Variants in CHD7 observed in about 807,000 individuals in gnomAD.
CHD7 encodes the protein ATP-dependent chromatin remodeler CHD7.
Under a neutral mutation model 307.3 loss-of-function variants are expected in CHD7, and 24 were observed. The observed-to-expected ratio is 0.08, with a 90% CI of 0.06 to 0.11. The LOEUF (loss-of-function observed/expected upper bound fraction) is 0.11. Among genes scored for constraint, CHD7 ranks in the 10% least tolerant of loss-of-function variants. The pLI is 1.00. For synonymous variants in CHD7, 1,363 were observed against 1,349.9 expected (o/e 1.01, Z -0.21); for missense variants, 3,106 against 3,727.1 (o/e 0.83, Z 4.34).
chr8:60,755,000 G>A (rs2150604666), intron 2 of CHD7, among the ~76,000 whole-genome samples: 1 of 152,294 alleles, frequency 6.6e-6, no homozygotes, highest in South Asian at 2.1e-4. Flanking sequence ...TTTTCATGGT[G>A]TGCTCTCCAA....
At chr8:60,857,009 C>A in intron 34 of CHD7, 121 bp downstream of exon 34, 1 of 805,598 alleles carries the variant, frequency 1.2e-6, no homozygotes, top group Non-Finnish European at 1.9e-6. Context: ...GCTTCCTCCA[C>A]TAAAGAAATA....
intron 37 of CHD7, 26 bp from the exon 38 acceptor site, chr8:60,864,990 C>T (rs1460031079): frequency 5.8e-6 from 9 of 1,557,244 alleles, no homozygotes; most frequent in East Asian, 2.4e-5. Flanking sequence ...CCTTTATAGC[C>T]ACTGTTTGCC....
Position 60,852,552 on chromosome 8 carries a change from T to G in CHD7, c.5949T>G (p.Val1983=). ...ACCGTGTGGTATCCACCTTTGGGGT[T>G]ATTTTTGACCCTGTGAAACAGCAAT... ...DFYRVVSTFG[V]IFDPVKQQFD... is the part of the protein sequence containing the mutation. The change falls in exon 30 of 38, where the codon GTT becomes GTG. Residue 1983 remains valine, a synonymous_variant. Coordinates refer to ENST00000423902, the MANE Select transcript of CHD7 (RefSeq NM_017780.4). 2 of 1,614,000 alleles carry G rather than the reference T, an allele frequency of 1.2e-6. No individual in the cohort carries two copies. Among genetic ancestry groups the G allele is most frequent in the Non-Finnish European group, 1.7e-6 (2 of 1,179,872 alleles).
At chr8:60,700,028 C>T (rs940183492) in intron 1 of CHD7, among the ~76,000 whole-genome samples, 9 of 151,882 alleles carry the variant, frequency 5.9e-5, no homozygotes, top group Admixed American at 1.3e-4. Flanking sequence ...GGGGGTTTCT[C>T]CATGTTGGTT....
intron 1 of CHD7, among the ~76,000 whole-genome samples, chr8:60,718,604 C>T (rs1049439612): frequency 2.6e-5 from 4 of 152,152 alleles, no homozygotes; most frequent in South Asian, 2.1e-4. Flanking sequence ...ACAATGTGTT[C>T]GTCTTTTAAG....
rs1464726975 is a variant in CHD7 at position 60,849,233 on chromosome 8, A to G, written c.5404+79A>G. ...TAGAACTCTTTACATACTCTTTTCCAAAGTCATAATATTAATGAGGATAGT... is the reference window on the plus strand; with the variant it reads ...TAGAACTCTTTACATACTCTTTTCCGAAGTCATAATATTAATGAGGATAGT... On this transcript the variant is annotated intron_variant, in intron 25 of 37. Coordinates refer to ENST00000423902, the MANE Select transcript of CHD7 (RefSeq NM_017780.4). 1.1e-5 allele frequency: 10 copies of G among 877,758 alleles called. No homozygotes were observed. The African/African-American group carries it at 1.2e-4, about 10-fold the overall frequency. The allele number at this position is 877,758 out of a possible 1,614,324, so 54.4% of individuals were successfully genotyped here. A position where few individuals can be genotyped will look rare whatever the true frequency, so the allele number is the denominator to read the frequency against.
Position 60,816,119 on chromosome 8 carries a change from C to G in CHD7, c.2499-268C>G, listed in dbSNP as rs368460945. ...TTTGTCTGTCTGTCTGTCTGTCTCT[C>G]TCTCTCTCTCTCTCTCTCTCTCTCT... On this transcript the variant is annotated intron_variant, in intron 7 of 37. Transcript: ENST00000423902. Among the ~76,000 whole-genome samples, 40,466 of 111,896 alleles carry G rather than the reference C, an allele frequency of 0.36. 6,262 individuals carry two copies. The highest frequency in any genetic ancestry group is 0.48 in the South Asian group (1,568 of 3,252). 73.4% of individuals were successfully genotyped at this position (111,896 alleles called of 152,430 possible). A position where few individuals can be genotyped will look rare whatever the true frequency, so the allele number is the denominator to read the frequency against.
In CHD7 at chr8:60,742,641, T is replaced by C; in HGVS notation, c.1209T>C (p.Ser403=). ...PPPMSPMKAM[S]NPAGTPPPQV... Reference sequence around the variant, plus strand: ...CCATGTCACCCATGAAAGCAATGAGTAATCCAGCAGGCACTCCTCCTCCAC... The same window carrying C: ...CCATGTCACCCATGAAAGCAATGAGCAATCCAGCAGGCACTCCTCCTCCAC... The change falls in exon 2 of 38, where the codon AGT becomes AGC. Residue 403 remains serine, a synonymous_variant. Coordinates refer to ENST00000423902, the MANE Select transcript of CHD7 (RefSeq NM_017780.4). 6.2e-7 allele frequency: 1 copy of C among 1,611,514 alleles called. No homozygotes were observed. Among genetic ancestry groups the C allele is most frequent in the Non-Finnish European group, 8.5e-7 (1 of 1,178,242 alleles).
intron 2 of CHD7, among the ~76,000 whole-genome samples, chr8:60,759,607 G>T (rs528118697): frequency 6.6e-6 from 1 of 152,152 alleles, no homozygotes; most frequent in South Asian, 2.1e-4. Flanking sequence ...CTGGTACTCC[G>T]TAATTGAGAG....
In CHD7 at chr8:60,830,334, C is replaced by A. The variant is rs1804451607; in HGVS notation, c.3535C>A (p.Gln1179Lys). ...GGTCCTTTTTTAGGTGCAAAAACTT[C>A]AAGCTATTCTAAAGCCAATGATGTT... ...LKTEEQVQKL[Q>K]AILKPMMLRR... Residue 1179 changes from glutamine (Q) to lysine (K), a missense_variant, in exon 15 of 38, where the codon CAA (glutamine) becomes AAA (lysine). Physicochemically the swap from Gln to Lys is moderately conservative, Grantham distance 53. This residue lies in a region of CHD7 where 232 missense variants were observed against 422.5 expected (regional missense o/e 0.55). Coordinates refer to ENST00000423902, the MANE Select transcript of CHD7 (RefSeq NM_017780.4). 1 of 1,611,404 alleles carries A rather than the reference C, an allele frequency of 6.2e-7. No homozygotes were observed. The highest frequency in any genetic ancestry group is 1.3e-5 in the African/African-American group (1 of 74,618).
At chr8:60,804,340 C>CTT (rs113158575) in intron 6 of CHD7, among the ~76,000 whole-genome samples, 3 of 148,372 alleles carry the variant, frequency 2.0e-5, no homozygotes, top group South Asian at 4.3e-4. Context: ...AATTCAAATC[C>CTT]TTTTTTTTTT....
intron 31 of CHD7, 43 bp from the exon 32 acceptor site, chr8:60,854,320 T>C (rs1055522680): frequency 3.2e-6 from 5 of 1,581,202 alleles, no homozygotes; most frequent in Non-Finnish European, 4.3e-6. Flanking sequence ...TCAGTTTCCC[T>C]GATACTGTGG....
chr8:60,816,480 C>T lies in CHD7; in HGVS notation c.2592C>T (p.Gly864=). ...TTAAACGATTTAAGGCAAAGCAGGG[C>T]CAGAACAAGTTCCTTTCAGAGGTAC... ...QKIKRFKAKQ[G]QNKFLSEIED... Residue 864 remains glycine, a synonymous_variant, in exon 8 of 38, where the codon GGC becomes GGT. Transcript: ENST00000423902. 1.9e-6 allele frequency: 3 copies of T among 1,604,152 alleles called. No homozygotes were observed. The highest frequency in any genetic ancestry group is 2.6e-6 in the Non-Finnish European group (3 of 1,173,616).
At chr8:60,713,304 G>C (rs1244825490) in intron 1 of CHD7, among the ~76,000 whole-genome samples, 2 of 151,992 alleles carry the variant, frequency 1.3e-5, no homozygotes, top group African/African-American at 4.8e-5. Context: ...GTAGAGACGG[G>C]GTTTCGCCAT....
chr8:60,698,400 A>C (rs1290766892), intron 1 of CHD7, among the ~76,000 whole-genome samples: 3 of 152,224 alleles, frequency 2.0e-5, no homozygotes, highest in Non-Finnish European at 4.4e-5. Context: ...GCCATAGGAA[A>C]GAATAATTTC....
At position 60,865,586 on chromosome 8, in the gene CHD7, T is replaced by C; in HGVS notation, c.8647T>C (p.Leu2883=). ...TGGTGCTGCTACTGCCCCGGCTGGA[T>C]TGCCCTCAAACCCGCTAGCCTTCAA... ...SVGAATAPAG[L]PSNPLAFNPF... Residue 2883 remains leucine, a synonymous_variant, in exon 38 of 38, where the codon TTG becomes CTG. Coordinates refer to ENST00000423902, the MANE Select transcript of CHD7 (RefSeq NM_017780.4). This position sits in a 1 kb window ranked among gnomAD's most constrained non-coding sequence, Gnocchi z 4.3. 9.9e-6 allele frequency: 16 copies of C among 1,614,028 alleles called. No individual in the cohort carries two copies. Among genetic ancestry groups the C allele is most frequent in the Non-Finnish European group, 1.3e-5 (15 of 1,179,880 alleles).
At chr8:60,700,204 A>G (rs1193110257) in intron 1 of CHD7, among the ~76,000 whole-genome samples, 1 of 152,220 alleles carries the variant, frequency 6.6e-6, no homozygotes, top group African/African-American at 2.4e-5. Context: ...ATCATTATGA[A>G]TGAAACTAGA....
In CHD7 at chr8:60,741,239, C is replaced by A. The variant is rs935230440; in HGVS notation, c.-174-20C>A. On this transcript the variant is annotated intron_variant, in intron 1 of 37. Transcript: ENST00000423902. Reference sequence around the variant, plus strand: ...CTTTGTTTTCTTCCTTCTTCTCCCCCACCCCAAACTCCCTTCCAGGACCTA... The same window carrying A: ...CTTTGTTTTCTTCCTTCTTCTCCCCAACCCCAAACTCCCTTCCAGGACCTA... 3 of 570,286 alleles carry A rather than the reference C, an allele frequency of 5.3e-6. No homozygotes were observed. The highest frequency in any genetic ancestry group is 1.9e-5 in the African/African-American group (1 of 53,584). The allele number at this position is 570,286 out of a possible 1,614,324, so 35.3% of individuals were successfully genotyped here.
intron 6 of CHD7, among the ~76,000 whole-genome samples, chr8:60,802,372 T>C (rs1176382874): frequency 6.6e-6 from 1 of 152,232 alleles, no homozygotes; most frequent in East Asian, 1.9e-4. Flanking sequence ...CATTAGGTAT[T>C]ACAACATGCA....
Sources: gnomAD v4.1 joint callset for allele counts (sites outside exome capture counted in the v4.1 genomes callset) on GRCh38, gnomAD v4.1.1 for gene constraint, gnomAD v4.1.1 regional missense constraint, Gnocchi (gnomAD v3.1) non-coding constraint, MANE v1.5 for transcripts, NCBI Gene and HGNC (gene_info 2026-07-23, HGNC 2026-07-21) for gene names.